The following FGD4 variants were observed in gnomAD, a reference collection of about 807,000 sequenced individuals.
FGD4 encodes FYVE, RhoGEF and PH domain-containing protein 4.
A neutral mutation model predicts 102.0 loss-of-function variants in FGD4; 42 were observed. The ratio of observed to expected loss-of-function variants is 0.41; its 90% CI spans 0.32 to 0.53. FGD4 has a LOEUF of 0.53. Ranked by LOEUF, FGD4 falls within the 20% of genes least tolerant of loss-of-function variation. The pLI is 0.21. For synonymous variants in FGD4, 380 were observed against 375.7 expected (o/e 1.01, Z -0.13); for missense variants, 902 against 1,078.2 (o/e 0.84, Z 2.29).
intron 1 of FGD4, among the ~76,000 whole-genome samples, chr12:32,561,100 TTGAG>T (rs1944541881): frequency 7.4e-6 from 1 of 134,276 alleles, no homozygotes; most frequent in Non-Finnish European, 1.6e-5. Context: ...TTTTTTTTTT[TTGAG>T]ATGGAGTTTC....
intron 4 of FGD4, among the ~76,000 whole-genome samples, chr12:32,588,388 A>G (rs1947217826): frequency 6.6e-6 from 1 of 152,230 alleles, no homozygotes; most frequent in South Asian, 2.1e-4. Flanking sequence ...CCTGAAGTAA[A>G]GGGAAAAGGC....
chr12:32,580,175 C>T (rs372396824), intron 3 of FGD4, among the ~76,000 whole-genome samples: 23 of 152,104 alleles, frequency 1.5e-4, no homozygotes, highest in African/African-American at 4.3e-4. Context: ...CATGGTTTGA[C>T]CTCTGGCTTT....
chr12:32,476,943 A>G (rs1244654093), intron 1 of FGD4, among the ~76,000 whole-genome samples: 2 of 152,132 alleles, frequency 1.3e-5, no homozygotes, highest in East Asian at 3.9e-4. Context: ...CTGAAAAGAC[A>G]CTCTTGGCTT....
At chr12:32,492,520 CAATT>C (rs1405507986) in intron 1 of FGD4, among the ~76,000 whole-genome samples, 1 of 152,136 alleles carries the variant, frequency 6.6e-6, no homozygotes, top group African/African-American at 2.4e-5. Context: ...TATATCAAAA[CAATT>C]GATGTTAGTT....
At chr12:32,619,197 A>G (rs763700080) in intron 10 of FGD4, among the ~76,000 whole-genome samples, 1 of 152,232 alleles carries the variant, frequency 6.6e-6, no homozygotes, top group Non-Finnish European at 1.5e-5. Flanking sequence ...AATGGGAAAT[A>G]TATTTTTCAA....
chr12:32,519,889 G>A (rs776814122), intron 1 of FGD4, among the ~76,000 whole-genome samples: 5 of 152,210 alleles, frequency 3.3e-5, no homozygotes, highest in Non-Finnish European at 7.3e-5. Context: ...AGAGGCTACA[G>A]TGAGCTGAGA....
intron 4 of FGD4, among the ~76,000 whole-genome samples, chr12:32,590,594 G>A (rs1048989423): frequency 2.0e-5 from 3 of 152,132 alleles, no homozygotes; most frequent in Non-Finnish European, 4.4e-5. Context: ...GGTTTTCACA[G>A]ACCCGGGTTT....
chr12:32,556,126 C>CCAT (rs1321212463), intron 1 of FGD4, among the ~76,000 whole-genome samples: 1 of 152,124 alleles, frequency 6.6e-6, no homozygotes, highest in Admixed American at 6.6e-5. Context: ...CAGGCATGAG[C>CCAT]CATCATGCCT....
At chr12:32,514,938 A>G (rs1465917299) in intron 1 of FGD4, among the ~76,000 whole-genome samples, 4 of 152,020 alleles carry the variant, frequency 2.6e-5, no homozygotes, top group African/African-American at 9.7e-5. Context: ...GCTGGTCTTG[A>G]TATCCTGGAC....
At chr12:32,633,434 C>A in intron 14 of FGD4, 115 bp from the exon 15 acceptor site, 1 of 1,166,654 alleles carries the variant, frequency 8.6e-7, no homozygotes, top group South Asian at 1.3e-5. Context: ...CCTTTTCTAA[C>A]AAAAATCTGC....
intron 10 of FGD4, among the ~76,000 whole-genome samples, chr12:32,618,908 G>A (rs746784901): frequency 6.6e-5 from 10 of 152,218 alleles, no homozygotes; most frequent in Middle Eastern, 3.2e-3. Context: ...AAAGACTGCA[G>A]TGAGTCCTGT....
chr12:32,561,077 T>TTTTTTG (rs1284781086), intron 1 of FGD4, among the ~76,000 whole-genome samples: 3 of 70,826 alleles, frequency 4.2e-5, no homozygotes, highest in African/African-American at 2.0e-4. Context: ...TGGGTTTTGT[T>TTTTTTG]TTTTTTTTTT....
intron 1 of FGD4, among the ~76,000 whole-genome samples, chr12:32,422,329 C>T (rs1469539000): frequency 4.7e-5 from 3 of 64,300 alleles, no homozygotes; most frequent in Non-Finnish European, 9.0e-5. Flanking sequence ...GACAGAGTCT[C>T]GCTTTGTCAC....
intron 1 of FGD4, among the ~76,000 whole-genome samples, chr12:32,520,425 G>GGTTTTT (rs1940384935): frequency 1.8e-5 from 2 of 111,412 alleles, no homozygotes; most frequent in East Asian, 2.2e-4. Flanking sequence ...TCTATTGTGG[G>GGTTTTT]TTTTTTTGTT....
rs112899584 is a variant in FGD4 at position 32,598,564 on chromosome 12, A to C, written c.1079A>C (p.Asn360Thr). The change falls in exon 5 of 17, where the codon AAC (asparagine) becomes ACC (threonine). Residue 360 changes from asparagine (N) to threonine (T), a missense_variant. Asn to Thr is a moderately conservative substitution (Grantham distance 65, BLOSUM62 0). Coordinates refer to ENST00000534526, the MANE Select transcript of FGD4 (RefSeq NM_001370298.3). Reference sequence around the variant, plus strand: ...TTGCTTACTGAAAGAGCTTATGTCAACCGACTTGACCTCTTAGATCAGGTA... The same window carrying C: ...TTGCTTACTGAAAGAGCTTATGTCACCCGACTTGACCTCTTAGATCAGGTA... ...ELLLTERAYV[N>T]RLDLLDQVFY... 9.9e-6 allele frequency: 16 copies of C among 1,613,726 alleles called. No individual in the cohort carries two copies. Among genetic ancestry groups the C allele is most frequent in the Middle Eastern group, 1.7e-4 (1 of 6,054 alleles).
rs145404534 is a variant in FGD4, at chr12:32,465,997, T to C, written c.166+66038T>C. ...CTTGCTATGTTGCTCAGGCTGGTGTTGAACTCCTGGCCTCAAGCAATCCTC... is the reference window on the plus strand; with the variant it reads ...CTTGCTATGTTGCTCAGGCTGGTGTCGAACTCCTGGCCTCAAGCAATCCTC... On this transcript the variant is annotated intron_variant, in intron 1 of 16. Coordinates refer to ENST00000534526, the MANE Select transcript of FGD4 (RefSeq NM_001370298.3). Among the ~76,000 whole-genome samples the C allele has an allele frequency of 6.1e-4, 93 of 152,232 alleles. 1 individual carries two copies. The highest frequency in any genetic ancestry group is 2.2e-3 in the African/African-American group (92 of 41,532).
intron 1 of FGD4, among the ~76,000 whole-genome samples, chr12:32,503,479 G>T (rs1259523446): frequency 6.6e-6 from 1 of 152,028 alleles, no homozygotes; most frequent in Non-Finnish European, 1.5e-5. Context: ...TATTAGTCAA[G>T]GACTCATGTT....
At chr12:32,627,435 T>G (rs1406761401) in intron 14 of FGD4, among the ~76,000 whole-genome samples, 1 of 152,206 alleles carries the variant, frequency 6.6e-6, no homozygotes, top group African/African-American at 2.4e-5. Flanking sequence ...ATTACAGGCG[T>G]GAGCCACTGC....
At chr12:32,602,864 G>T (rs1948512894) in intron 7 of FGD4, among the ~76,000 whole-genome samples, 1 of 152,044 alleles carries the variant, frequency 6.6e-6, no homozygotes, top group Non-Finnish European at 1.5e-5. Context: ...AAGATTCTTG[G>T]CATGGGAATT....
Sources: allele counts gnomAD v4.1 joint callset (sites outside exome capture counted in the v4.1 genomes callset), GRCh38; gene constraint gnomAD v4.1.1; transcripts MANE v1.5; gene names NCBI Gene and HGNC (gene_info 2026-07-23, HGNC 2026-07-21).